The following ITGA8 variants were observed in gnomAD, a reference collection of about 807,000 sequenced individuals.
ITGA8 encodes integrin alpha-8.
ITGA8 carries 91 observed loss-of-function variants against 142.3 expected under a neutral mutation model. The observed-to-expected ratio is 0.64, with a 90% CI of 0.54 to 0.76. ITGA8 has a LOEUF of 0.76. Ranked by LOEUF, ITGA8 falls within the 30% of genes least tolerant of loss-of-function variation. ITGA8 has a pLI of 0.00. For synonymous variants in ITGA8, 505 were observed against 485.2 expected, an observed-to-expected ratio of 1.04 and a Z score of -0.54; for missense variants, 1,406 against 1,327.7, an observed-to-expected ratio of 1.06 and a Z score of -0.92.
chr10:15,532,418 C>CAAAAAAAA (rs35130036), intron 27 of ITGA8, among the ~76,000 whole-genome samples: 8 of 27,838 alleles, frequency 2.9e-4, no homozygotes, highest in African/African-American at 1.1e-3. Flanking sequence ...GACTCCCTCT[C>CAAAAAAAA]AAAAAAAAAA....
intron 25 of ITGA8, among the ~76,000 whole-genome samples, chr10:15,559,737 A>G (rs1234306045): frequency 6.8e-6 from 1 of 147,942 alleles, no homozygotes; most frequent in Admixed American, 6.9e-5. Flanking sequence ...AAAACCAAAC[A>G]CTGCATGTTC....
intron 26 of ITGA8, among the ~76,000 whole-genome samples, chr10:15,556,183 C>G (rs1017839899): frequency 6.6e-6 from 1 of 151,730 alleles, no homozygotes. Flanking sequence ...CCTGCCACCA[C>G]GCCCAGATAA....
intron 28 of ITGA8, among the ~76,000 whole-genome samples, chr10:15,526,273 T>G (rs1833172750): frequency 6.6e-6 from 1 of 152,028 alleles, no homozygotes; most frequent in African/African-American, 2.4e-5. Context: ...GCCTCCCAGG[T>G]TCAAGAGATT....
intron 25 of ITGA8, among the ~76,000 whole-genome samples, chr10:15,568,749 A>C (rs1475537829): frequency 1.3e-5 from 2 of 152,254 alleles, no homozygotes; most frequent in South Asian, 2.1e-4. Flanking sequence ...GATGCCGTCA[A>C]AGTATGTATT....
intron 27 of ITGA8, among the ~76,000 whole-genome samples, chr10:15,547,596 A>G (rs1313096905): frequency 6.6e-6 from 1 of 152,158 alleles, no homozygotes; most frequent in Non-Finnish European, 1.5e-5. Context: ...AACAAAAAAA[A>G]GTGCACAAAT....
At chr10:15,672,125 A>G (rs928991876) in intron 7 of ITGA8, among the ~76,000 whole-genome samples, 10 of 152,196 alleles carry the variant, frequency 6.6e-5, no homozygotes, top group African/African-American at 2.4e-4. Flanking sequence ...CTCTAAAGTG[A>G]GGTGCTGGCT....
intron 18 of ITGA8, 86 bp from the exon 19 acceptor site, chr10:15,605,877 A>G (rs1056727691): frequency 8.3e-7 from 1 of 1,199,372 alleles, no homozygotes; most frequent in Non-Finnish European, 1.2e-6. Flanking sequence ...GGTGCCACAA[A>G]CGGAACCAGA....
In ITGA8 at chr10:15,655,372, G is replaced by A; in HGVS notation, c.983C>T (p.Ser328Leu). ...ASYFGYTVVV[S>L]DVNSDGLDDV... ...AACTTACCCATCACTGTTAACATCT[G>A]ATACGACAACGGTATATCCAAAATA... The change falls in exon 11 of 30, where the codon TCA becomes TTA. Residue 328 changes from serine (S) to leucine (L), a missense_variant. By Grantham distance (145) the Ser-to-Leu change is moderately radical. Coordinates refer to ENST00000378076, the MANE Select transcript of ITGA8 (RefSeq NM_003638.3). 1 of 1,607,430 alleles carries A rather than the reference G, an allele frequency of 6.2e-7. No individual in the cohort carries two copies. Among genetic ancestry groups the A allele is most frequent in the Non-Finnish European group, 8.5e-7 (1 of 1,174,150 alleles).
At chr10:15,548,905 C>G (rs932577045) in intron 26 of ITGA8, among the ~76,000 whole-genome samples, 1 of 152,116 alleles carries the variant, frequency 6.6e-6, no homozygotes, top group African/African-American at 2.4e-5. Context: ...TTCAGCAAGT[C>G]TGGAAGGGGT....
intron 15 of ITGA8, chr10:15,611,554 C>A (rs769592194): frequency 1.4e-5 from 2 of 145,862 alleles, no homozygotes; most frequent in African/African-American, 5.1e-5. Context: ...TGCAGTGGTG[C>A]GATCTCAGCT....
chr10:15,587,211 C>T (rs533090432), intron 22 of ITGA8, among the ~76,000 whole-genome samples: 3 of 152,082 alleles, frequency 2.0e-5, no homozygotes, highest in Non-Finnish European at 4.4e-5. Context: ...GTGAGCCACC[C>T]CGCCCAGCCA....
chr10:15,715,349 G>A (rs1196493228), intron 2 of ITGA8, among the ~76,000 whole-genome samples: 1 of 152,120 alleles, frequency 6.6e-6, no homozygotes, highest in Non-Finnish European at 1.5e-5. Flanking sequence ...GGGAATGGAG[G>A]AGAGGGAGGG....
At position 15,672,493 on chromosome 10, in the gene ITGA8, G is replaced by A. The variant is rs552488145; in HGVS notation, c.802+131C>T. ...GTATTAAAAAGAAAAGAAAAATTGA[G>A]TCCACTCTAATAAGAGAACATTTGT... On this transcript the variant is annotated intron_variant, in intron 7 of 29. Coordinates refer to ENST00000378076, the MANE Select transcript of ITGA8 (RefSeq NM_003638.3). 7.3e-6 allele frequency: 8 copies of A among 1,097,020 alleles called. No individual in the cohort carries two copies. The South Asian group carries it at 8.2e-5, about 11-fold the overall frequency. 68.0% of individuals were successfully genotyped at this position (1,097,020 alleles called of 1,614,324 possible).
chr10:15,704,165 T>G (rs1230899376), intron 2 of ITGA8, among the ~76,000 whole-genome samples: 2 of 152,210 alleles, frequency 1.3e-5, no homozygotes, highest in Non-Finnish European at 2.9e-5. Flanking sequence ...ATCCATCTAC[T>G]TCTTTCCATC....
rs1222711473 is a variant in ITGA8, at chr10:15,644,433, A to AACATATATATATATAT, written c.1208-213_1208-212insATATATATATATATGT. On this transcript the variant is annotated intron_variant, in intron 12 of 29. Coordinates refer to ENST00000378076, the MANE Select transcript of ITGA8 (RefSeq NM_003638.3). Reference sequence around the variant, plus strand: ...CAGGTGCATACCACCATGTCAGGCTAATATATATATATATATATATATATA... The same window carrying AACATATATATATATAT: ...CAGGTGCATACCACCATGTCAGGCTAACATATATATATATATATATATATATATATATATATATATA... 1.2e-4 allele frequency among the ~76,000 whole-genome samples: 5 copies of AACATATATATATATAT among 42,456 alleles called. 1 individual carries two copies. The highest frequency in any genetic ancestry group is 1.0e-4 in the African/African-American group (1 of 9,826). The allele number at this position is 42,456 out of a possible 152,430, so 27.9% of individuals were successfully genotyped here.
At chr10:15,657,536 G>C (rs1369834786) in intron 10 of ITGA8, among the ~76,000 whole-genome samples, 1 of 41,616 alleles carries the variant, frequency 2.4e-5, no homozygotes, top group Non-Finnish European at 5.7e-5. Context: ...TTTTTTAACA[G>C]AGACAGTGGT....
In ITGA8 at chr10:15,699,746, G is replaced by C. The variant is rs150723555; in HGVS notation, c.344-11708C>G. 8.7e-3 allele frequency among the ~76,000 whole-genome samples: 1,318 copies of C among 152,262 alleles called. 18 individuals are homozygous for C. The highest frequency in any genetic ancestry group is 0.03 in the African/African-American group (1,245 of 41,534). On this transcript the variant is annotated intron_variant, in intron 2 of 29. Coordinates refer to ENST00000378076, the MANE Select transcript of ITGA8 (RefSeq NM_003638.3). ...GATCATATTCTTTTGATTAGACATG[G>C]CAACTGATCTCCAAAGTAGCTACAA... is the stretch of plus-strand genomic sequence containing the variant.
intron 12 of ITGA8, among the ~76,000 whole-genome samples, chr10:15,644,740 G>A (rs1274962103): frequency 3.3e-5 from 5 of 151,382 alleles, no homozygotes; most frequent in Admixed American, 3.3e-4. Context: ...TGAAAATTCT[G>A]TAGTACTGCT....
At chr10:15,659,077 A>G (rs938972429) in intron 9 of ITGA8, 22 bp from the exon 10 acceptor site, 4 of 1,551,098 alleles carry the variant, frequency 2.6e-6, no homozygotes, top group East Asian at 4.6e-5. Context: ...GAAATTAAAC[A>G]GGTTACACCA....
Sources: allele counts gnomAD v4.1 joint callset (sites outside exome capture counted in the v4.1 genomes callset), GRCh38; gene constraint gnomAD v4.1.1; transcripts MANE v1.5; gene names NCBI Gene and HGNC (gene_info 2026-07-23, HGNC 2026-07-21).